Variants in PRKN observed in about 807,000 individuals in gnomAD.
PRKN encodes E3 ubiquitin-protein ligase parkin.
PRKN carries 56 observed loss-of-function variants against 59.5 expected under a neutral mutation model. That is an observed-to-expected ratio of 0.94 (90% CI 0.76 to 1.18). The LOEUF (loss-of-function observed/expected upper bound fraction) is 1.18, where lower values mean the gene tolerates loss of function less well. PRKN is among the 50% of genes most tolerant of loss of function. The pLI is 0.00. For missense variants in PRKN, 657 were observed against 596.4 expected (o/e 1.10, Z -1.06); for synonymous variants, 250 against 222.1 (o/e 1.13, Z -1.12).
chr6:162,356,473 A>T (rs1784859573), intron 2 of PRKN, among the ~76,000 whole-genome samples: 1 of 152,112 alleles, frequency 6.6e-6, no homozygotes, highest in Non-Finnish European at 1.5e-5. Context: ...TAAGGTGGCC[A>T]CATGGGCCCC....
At chr6:161,858,858 CTT>C (rs71544920) in intron 6 of PRKN, among the ~76,000 whole-genome samples, 1,792 of 71,872 alleles carry the variant, frequency 0.025, 81 homozygotes, top group East Asian at 0.18. Flanking sequence ...CACAGCTGTA[CTT>C]TTTTTTTTTT....
chr6:162,034,186 T>TAGAGAGAGAGAGAGAGAGAG (rs71643580), intron 5 of PRKN, among the ~76,000 whole-genome samples: 1 of 133,286 alleles, frequency 7.5e-6, no homozygotes, highest in Non-Finnish European at 1.6e-5. Flanking sequence ...TATATATATA[T>TAGAGAGAGAGAGAGAGAGAG]AGAGAGAGAG....
intron 1 of PRKN, among the ~76,000 whole-genome samples, chr6:162,613,289 C>A (rs1782268054): frequency 6.6e-6 from 1 of 152,100 alleles, no homozygotes; most frequent in Non-Finnish European, 1.5e-5. Context: ...ACCAACCAAC[C>A]AAAGTAAACC....
At chr6:162,716,961 T>A (rs1778753726) in intron 1 of PRKN, among the ~76,000 whole-genome samples, 1 of 152,220 alleles carries the variant, frequency 6.6e-6, no homozygotes, top group Non-Finnish European at 1.5e-5. Flanking sequence ...GGTGGCTGAA[T>A]AATGCCTCCT....
rs534234823 is a variant in PRKN, at chr6:161,428,893, T to C, written c.1084-42016A>G. On this transcript the variant is annotated intron_variant, in intron 9 of 11. Transcript: ENST00000366898. This position sits in a 1 kb window ranked among gnomAD's most constrained non-coding sequence, Gnocchi z 4.0. ...AGCAGGCCTCTATCATGTGCTGACCTATGGCTAGGGGTCCCTGGTTTCTCC... is the reference window on the plus strand; with the variant it reads ...AGCAGGCCTCTATCATGTGCTGACCCATGGCTAGGGGTCCCTGGTTTCTCC... 3.2e-4 allele frequency among the ~76,000 whole-genome samples: 49 copies of C among 152,296 alleles called. 2 individuals carry two copies. In the South Asian group the frequency reaches 1.0e-2, roughly 31 times the overall value.
At chr6:162,457,035 CAA>C (rs1562779026) in intron 1 of PRKN, among the ~76,000 whole-genome samples, 1 of 152,124 alleles carries the variant, frequency 6.6e-6, no homozygotes, top group East Asian at 1.9e-4. Context: ...AAAGTTGAAA[CAA>C]GAAAGCAGAA....
intron 11 of PRKN, among the ~76,000 whole-genome samples, chr6:161,350,925 T>A (rs1243470993): frequency 1.1e-5 from 1 of 90,734 alleles, no homozygotes; most frequent in Non-Finnish European, 1.8e-5. Flanking sequence ...TATTTATATT[T>A]AAAATATATA....
intron 5 of PRKN, among the ~76,000 whole-genome samples, chr6:162,020,484 A>T: frequency 7.0e-6 from 1 of 142,682 alleles, no homozygotes. Flanking sequence ...GAATATCAAA[A>T]AGTGGTTGAT....
At chr6:161,864,896 C>T (rs1031150787) in intron 6 of PRKN, among the ~76,000 whole-genome samples, 11 of 152,090 alleles carry the variant, frequency 7.2e-5, no homozygotes, top group Non-Finnish European at 1.0e-4. Flanking sequence ...CCTTGTGATC[C>T]GCCTGCCCTG....
At chr6:162,678,518 G>A (rs1348133693) in intron 1 of PRKN, among the ~76,000 whole-genome samples, 1 of 152,106 alleles carries the variant, frequency 6.6e-6, no homozygotes, top group Non-Finnish European at 1.5e-5. Context: ...TTTCATTGTG[G>A]CTTCAACTTA....
intron 1 of PRKN, among the ~76,000 whole-genome samples, chr6:162,685,368 ACTT>A (rs1474158231): frequency 6.6e-6 from 1 of 152,218 alleles, no homozygotes; most frequent in African/African-American, 2.4e-5. Flanking sequence ...GAACTGTGCT[ACTT>A]CTTCAATATT....
chr6:162,502,034 G>A (rs1044596228), intron 1 of PRKN, among the ~76,000 whole-genome samples: 6 of 152,086 alleles, frequency 3.9e-5, no homozygotes, highest in Non-Finnish European at 7.4e-5. Context: ...AGGGTGGGTG[G>A]GCAAAATGCA....
At chr6:161,802,521 G>A (rs187264722) in intron 6 of PRKN, among the ~76,000 whole-genome samples, 1 of 150,686 alleles carries the variant, frequency 6.6e-6, no homozygotes, top group African/African-American at 2.4e-5. Flanking sequence ...ACACACACCT[G>A]GCTCCCAGCC....
At chr6:162,246,054 T>C (rs769197295) in intron 3 of PRKN, among the ~76,000 whole-genome samples, 3 of 152,200 alleles carry the variant, frequency 2.0e-5, no homozygotes, top group Non-Finnish European at 4.4e-5. Flanking sequence ...ATTCTCTACA[T>C]GGCTTTGCGT....
intron 1 of PRKN, among the ~76,000 whole-genome samples, chr6:162,685,485 T>C (rs187291586): frequency 6.6e-6 from 1 of 152,218 alleles, no homozygotes; most frequent in East Asian, 1.9e-4. Flanking sequence ...AATGTCGTAG[T>C]ACAAAGGGGA....
intron 2 of PRKN, among the ~76,000 whole-genome samples, chr6:162,325,460 CA>C (rs1187745590): frequency 1.3e-5 from 2 of 152,144 alleles, no homozygotes; most frequent in Non-Finnish European, 2.9e-5. Flanking sequence ...GACCTAACCT[CA>C]AAGGATTGGG....
At chr6:161,943,820 A>AATCAGCCTGAAGG (rs1779658525) in intron 6 of PRKN, among the ~76,000 whole-genome samples, 1 of 149,932 alleles carries the variant, frequency 6.7e-6, no homozygotes, top group African/African-American at 2.5e-5. Context: ...CAGCCTGAGG[A>AATCAGCCTGAAGG]ATCAGCCTGA....
At chr6:161,668,131 C>G (rs1459582497) in intron 7 of PRKN, among the ~76,000 whole-genome samples, 2 of 151,928 alleles carry the variant, frequency 1.3e-5, no homozygotes, top group Non-Finnish European at 2.9e-5. Context: ...GTTCGCTCAT[C>G]TGGGAATAAA....
chr6:161,356,390 C>G lies in PRKN; in HGVS notation c.1285+3698G>C, dbSNP rs962144178. On this transcript the variant is annotated intron_variant, in intron 11 of 11. Transcript: ENST00000366898. The surrounding 1 kb of genome is among the most constrained non-coding windows in gnomAD (Gnocchi z 7.8). ...CACAGAAGCGTCCTGGGGAGAGGAG[C>G]GGGACTGTGTGGTTGCAATGTCAGT... Among the ~76,000 whole-genome samples, 1 of 152,094 alleles carries G rather than the reference C, an allele frequency of 6.6e-6. No individual in the cohort carries two copies. The highest frequency in any genetic ancestry group is 2.1e-4 in the South Asian group (1 of 4,824).
Sources: allele counts gnomAD v4.1 joint callset (sites outside exome capture counted in the v4.1 genomes callset), GRCh38; gene constraint gnomAD v4.1.1; non-coding constraint Gnocchi (gnomAD v3.1); transcripts MANE v1.5; gene names NCBI Gene and HGNC (gene_info 2026-07-23, HGNC 2026-07-21).